UTRN: variants seen among roughly 807,000 people sequenced by gnomAD.
The protein encoded by UTRN is dystrophin-related protein 1.
UTRN carries 283 observed loss-of-function variants against 463.9 expected under a neutral mutation model. The ratio of observed to expected loss-of-function variants is 0.61; its 90% CI spans 0.55 to 0.67. UTRN has a LOEUF of 0.67. Among genes scored for constraint, UTRN ranks in the 30% least tolerant of loss-of-function variants. The pLI, the probability that UTRN is intolerant of heterozygous loss-of-function variation, is 0.00. For missense variants in UTRN, 3,922 were observed against 4,084.3 expected (o/e 0.96, Z 1.08); for synonymous variants, 1,442 against 1,431.5 (o/e 1.01, Z -0.17).
At chr6:144,469,868 T>C (rs1190689547) in intron 23 of UTRN, among the ~76,000 whole-genome samples, 1 of 151,964 alleles carries the variant, frequency 6.6e-6, no homozygotes, top group African/African-American at 2.4e-5. Context: ...AGTGTTTGTG[T>C]CCCTGGGTAC....
At chr6:144,312,381 G>T (rs764269203) in intron 2 of UTRN, among the ~76,000 whole-genome samples, 10 of 147,900 alleles carry the variant, frequency 6.8e-5, no homozygotes, top group Non-Finnish European at 1.3e-4. Flanking sequence ...CCGAGATTGC[G>T]CCACTGCACT....
intron 62 of UTRN, among the ~76,000 whole-genome samples, chr6:144,793,283 TA>T (rs1776918875): frequency 6.8e-6 from 1 of 148,066 alleles, no homozygotes; most frequent in African/African-American, 2.4e-5. Flanking sequence ...TGTGTTTTTT[TA>T]TTTTTTTTTG....
At chr6:144,404,713 T>A (rs1783229953) in intron 3 of UTRN, among the ~76,000 whole-genome samples, 1 of 152,192 alleles carries the variant, frequency 6.6e-6, no homozygotes, top group East Asian at 1.9e-4. Flanking sequence ...AAATTACTTT[T>A]TACCTATTTA....
intron 51 of UTRN, among the ~76,000 whole-genome samples, chr6:144,641,857 A>G (rs184204769): frequency 6.6e-6 from 1 of 152,328 alleles, no homozygotes; most frequent in Non-Finnish European, 1.5e-5. Flanking sequence ...GGTTGACTTT[A>G]TGCTTTTCAG....
At chr6:144,658,640 C>A (rs577594409) in intron 51 of UTRN, among the ~76,000 whole-genome samples, 91 of 152,260 alleles carry the variant, frequency 6.0e-4, no homozygotes, top group African/African-American at 1.7e-3. Flanking sequence ...CCATTATAAG[C>A]ACTGCATCTT....
intron 50 of UTRN, among the ~76,000 whole-genome samples, chr6:144,569,149 G>A (rs1800696999): frequency 1.3e-5 from 2 of 151,698 alleles, no homozygotes; most frequent in South Asian, 2.1e-4. Flanking sequence ...AACTGGAGGT[G>A]GAGGAAACAA....
chr6:144,357,730 G>C (rs1029859126), intron 2 of UTRN, among the ~76,000 whole-genome samples: 1 of 152,164 alleles, frequency 6.6e-6, no homozygotes, highest in Non-Finnish European at 1.5e-5. Flanking sequence ...TTGAATCCAC[G>C]TAGGTGTTTT....
intron 60 of UTRN, 51 bp from the exon 61 acceptor site, chr6:144,781,871 A>G (rs1245268855): frequency 7.7e-7 from 1 of 1,298,964 alleles, no homozygotes; most frequent in Non-Finnish European, 1.1e-6. Flanking sequence ...GTTGTTATGT[A>G]ATGTAATGTA....
At chr6:144,468,885 A>AGGGCTC (rs1790215108) in intron 23 of UTRN, among the ~76,000 whole-genome samples, 1 of 152,206 alleles carries the variant, frequency 6.6e-6, no homozygotes, top group Non-Finnish European at 1.5e-5. Flanking sequence ...AAGGGGAGAT[A>AGGGCTC]AGATAGGGAG....
At chr6:144,695,620 G>A (rs1476466726) in intron 52 of UTRN, among the ~76,000 whole-genome samples, 1 of 152,206 alleles carries the variant, frequency 6.6e-6, no homozygotes, top group East Asian at 1.9e-4. Context: ...TGGGATTACA[G>A]GCGTGAGCCA....
rs1157165796 is a variant in UTRN, at chr6:144,593,591, A to T, written c.7479+16303A>T. ...CCTCTTCTCACTTGGGCATGGAGAG[A>T]TGGGGTTTTCCTTTTGGCCCAATTC... On this transcript the variant is annotated intron_variant, in intron 51 of 74. Transcript: ENST00000367545. Among the ~76,000 whole-genome samples the T allele has an allele frequency of 2.0e-5, 3 of 152,054 alleles. No homozygotes were observed. In the East Asian group the frequency reaches 5.8e-4, roughly 29 times the overall value.
chr6:144,457,556 C>T (rs1263980583), intron 19 of UTRN, among the ~76,000 whole-genome samples: 3 of 152,136 alleles, frequency 2.0e-5, no homozygotes, highest in Admixed American at 6.5e-5. Context: ...GTATACTCTC[C>T]CCATTAACAG....
chr6:144,516,750 T>C, intron 38 of UTRN, 61 bp from the exon 39 acceptor site: 1 of 1,326,990 alleles, frequency 7.5e-7, no homozygotes, highest in Non-Finnish European at 9.8e-7. Flanking sequence ...TAGGAGTTGA[T>C]AGGAAGTGAC....
intron 53 of UTRN, among the ~76,000 whole-genome samples, chr6:144,701,841 C>T (rs1784620984): frequency 6.6e-6 from 1 of 152,012 alleles, no homozygotes; most frequent in African/African-American, 2.4e-5. Context: ...ATCAAAATTA[C>T]CATTTGGGTG....
chr6:144,486,472 A>C (rs1203961867), intron 28 of UTRN, among the ~76,000 whole-genome samples: 1 of 152,228 alleles, frequency 6.6e-6, no homozygotes. Context: ...TTATGTATGC[A>C]TACTAGAAGG....
chr6:144,577,367 C>G, intron 51 of UTRN, 79 bp downstream of exon 51: 1 of 1,434,922 alleles, frequency 7.0e-7, no homozygotes, highest in Middle Eastern at 2.4e-4. Context: ...ATGTGTTACC[C>G]TTAAAAGGTG....
At chr6:144,413,301 G>A (rs114323743) in intron 3 of UTRN, among the ~76,000 whole-genome samples, 2,091 of 152,202 alleles carry the variant, frequency 0.014, 39 homozygotes, top group African/African-American at 0.048. Context: ...CCATTTACTC[G>A]AGTGTATTAG....
chr6:144,383,232 C>A lies in UTRN; in HGVS notation c.80-19891C>A, dbSNP rs1209418998. ...CAGACATGAGTCATTGCGCCCAGGC[C>A]ATTTCAGCCTGTTTAACATTCCTTT... On this transcript the variant is annotated intron_variant, in intron 2 of 74. Transcript: ENST00000367545. Among the ~76,000 whole-genome samples, 3 of 152,178 alleles carry A rather than the reference C, an allele frequency of 2.0e-5. No individual in the cohort carries two copies. The East Asian group carries it at 5.8e-4, about 29-fold the overall frequency.
At chr6:144,319,204 C>T (rs9484865) in intron 2 of UTRN, among the ~76,000 whole-genome samples, 15,420 of 151,094 alleles carry the variant, frequency 0.1, 2,576 homozygotes, top group African/African-American at 0.35. Flanking sequence ...GAATTTTACT[C>T]TTTTAATGTT....
Sources: gnomAD v4.1 joint callset for allele counts (sites outside exome capture counted in the v4.1 genomes callset) on GRCh38, gnomAD v4.1.1 for gene constraint, MANE v1.5 for transcripts, NCBI Gene and HGNC (gene_info 2026-07-23, HGNC 2026-07-21) for gene names.